MYRIP: variants seen among roughly 807,000 people sequenced by gnomAD.
MYRIP encodes the protein rab effector MyRIP.
In MYRIP, 49 loss-of-function variants were observed where a neutral mutation model predicts 98.0. The ratio of observed to expected loss-of-function variants is 0.50; its 90% CI spans 0.40 to 0.63. The LOEUF (loss-of-function observed/expected upper bound fraction) is 0.63, where lower values mean the gene tolerates loss of function less well. Ranked by LOEUF, MYRIP falls within the 30% of genes least tolerant of loss-of-function variation. MYRIP has a pLI of 0.00. For missense variants in MYRIP, 1,004 were observed against 1,058.2 expected, an observed-to-expected ratio of 0.95 and a Z score of 0.71; for synonymous variants, 404 against 409.5, an observed-to-expected ratio of 0.99 and a Z score of 0.16.
At chr3:40,010,275 A>G (rs1946733107) in intron 2 of MYRIP, among the ~76,000 whole-genome samples, 1 of 152,234 alleles carries the variant, frequency 6.6e-6, no homozygotes, top group Non-Finnish European at 1.5e-5. Flanking sequence ...TTGAGGAGTT[A>G]GGGTCACCAG....
At position 40,233,839 on chromosome 3, in the gene MYRIP, T is replaced by A; in HGVS notation, c.1906-20T>A. On this transcript the variant is annotated intron_variant, in intron 11 of 16. Transcript: ENST00000302541. Reference sequence around the variant, plus strand: ...GTGCTGTTCTTGTCTTCTGTCCCCTTCTGTTATCGGACCAAACAGAAGTTT... The same window carrying A: ...GTGCTGTTCTTGTCTTCTGTCCCCTACTGTTATCGGACCAAACAGAAGTTT... 1 of 1,606,684 alleles carries A rather than the reference T, an allele frequency of 6.2e-7. No individual in the cohort carries two copies. The highest frequency in any genetic ancestry group is 2.2e-5 in the East Asian group (1 of 44,802).
intron 2 of MYRIP, among the ~76,000 whole-genome samples, chr3:40,011,164 C>T (rs553461500): frequency 2.0e-5 from 3 of 152,274 alleles, no homozygotes; most frequent in Non-Finnish European, 4.4e-5. Context: ...AAAATGGTGA[C>T]CCTCCTTGCT....
chr3:40,037,647 A>G (rs1947412784), intron 2 of MYRIP, among the ~76,000 whole-genome samples: 2 of 152,048 alleles, frequency 1.3e-5, no homozygotes, highest in Non-Finnish European at 2.9e-5. Context: ...TGTCACAGGT[A>G]TGGGACAATG....
chr3:39,996,598 C>A (rs1026608768), intron 2 of MYRIP, among the ~76,000 whole-genome samples: 1 of 152,048 alleles, frequency 6.6e-6, no homozygotes, highest in Non-Finnish European at 1.5e-5. Context: ...ACTTTAACAC[C>A]CCACTGTCAA....
At chr3:39,989,736 G>T (rs1246443935) in intron 2 of MYRIP, among the ~76,000 whole-genome samples, 3 of 152,206 alleles carry the variant, frequency 2.0e-5, no homozygotes, top group African/African-American at 7.2e-5. Flanking sequence ...AGTTCCTGTA[G>T]GGAGGCCCTG....
intron 3 of MYRIP, among the ~76,000 whole-genome samples, chr3:40,048,858 T>C (rs1360055383): frequency 6.6e-6 from 1 of 152,200 alleles, no homozygotes; most frequent in Non-Finnish European, 1.5e-5. Flanking sequence ...ATTACTTATT[T>C]TGGAAGTTCT....
intron 2 of MYRIP, among the ~76,000 whole-genome samples, chr3:39,907,060 C>T (rs1037371698): frequency 2.0e-5 from 3 of 151,940 alleles, no homozygotes; most frequent in Non-Finnish European, 2.9e-5. Context: ...TTGGTCTCCC[C>T]ATGGTAACTC....
intron 2 of MYRIP, among the ~76,000 whole-genome samples, chr3:39,991,845 G>T (rs1229122643): frequency 6.6e-6 from 1 of 152,124 alleles, no homozygotes; most frequent in Non-Finnish European, 1.5e-5. Context: ...GTAGTGTAAT[G>T]AATTCAAGTG....
intron 2 of MYRIP, among the ~76,000 whole-genome samples, chr3:39,979,330 T>C (rs775213875): frequency 1.1e-4 from 16 of 152,140 alleles, no homozygotes; most frequent in Non-Finnish European, 1.5e-5. Context: ...AGGATATTCA[T>C]TGTTTGGTAA....
At chr3:39,940,623 T>C (rs182188668) in intron 2 of MYRIP, among the ~76,000 whole-genome samples, 204 of 152,284 alleles carry the variant, frequency 1.3e-3, no homozygotes, top group African/African-American at 4.6e-3. Flanking sequence ...AATTATTTTA[T>C]TTTTTAATGG....
chr3:39,872,607 G>C (rs367708563), intron 1 of MYRIP, among the ~76,000 whole-genome samples: 4 of 148,924 alleles, frequency 2.7e-5, no homozygotes, highest in South Asian at 2.1e-4. Flanking sequence ...TTGTCCTTGC[G>C]ATAGTTTACT....
Position 40,131,539 on chromosome 3 carries a change from C to G in MYRIP, c.333-19509C>G, listed in dbSNP as rs535894624. 1.7e-4 allele frequency among the ~76,000 whole-genome samples: 26 copies of G among 152,276 alleles called. No individual in the cohort carries two copies. In the South Asian group the frequency reaches 5.2e-3, roughly 30 times the overall value. On this transcript the variant is annotated intron_variant, in intron 3 of 16. Coordinates refer to ENST00000302541, the MANE Select transcript of MYRIP (RefSeq NM_015460.4). Reference sequence around the variant, plus strand: ...AGCTCCCATCGTATTCTCTCTGTGGCTACAGGCCTTCATAATACACTTTAG... The same window carrying G: ...AGCTCCCATCGTATTCTCTCTGTGGGTACAGGCCTTCATAATACACTTTAG...
intron 2 of MYRIP, among the ~76,000 whole-genome samples, chr3:39,968,152 C>T (rs1945485715): frequency 6.6e-6 from 1 of 150,936 alleles, no homozygotes; most frequent in Admixed American, 6.6e-5. Context: ...TTGCCCATTC[C>T]TATGTCCAGG....
intron 1 of MYRIP, among the ~76,000 whole-genome samples, chr3:39,867,057 A>G (rs1291591493): frequency 1.3e-5 from 2 of 152,166 alleles, no homozygotes; most frequent in African/African-American, 2.4e-5. Flanking sequence ...TAATAGTGAA[A>G]CCAAGCATTC....
chr3:40,217,028 T>C (rs1575644993), intron 11 of MYRIP, among the ~76,000 whole-genome samples: 1 of 152,216 alleles, frequency 6.6e-6, no homozygotes, highest in South Asian at 2.1e-4. Context: ...AAATATGTAT[T>C]GTTGTTAAAG....
intron 2 of MYRIP, among the ~76,000 whole-genome samples, chr3:39,996,547 C>A (rs1380808944): frequency 6.6e-6 from 1 of 152,098 alleles, no homozygotes; most frequent in Non-Finnish European, 1.5e-5. Flanking sequence ...TCCTTAGAGA[C>A]CTACAAAGAG....
At chr3:39,845,676 C>A (rs930625713) in intron 1 of MYRIP, among the ~76,000 whole-genome samples, 1 of 151,960 alleles carries the variant, frequency 6.6e-6, no homozygotes, top group Non-Finnish European at 1.5e-5. Flanking sequence ...CAAATAAATG[C>A]CATCTATCTA....
In MYRIP at chr3:40,209,993, G is replaced by T. The variant is rs1430873223; in HGVS notation, c.1805G>T (p.Gly602Val). Reference protein sequence around the residue: ...MKMSEKETSSGEDQESEPKTE... With the variant: ...MKMSEKETSSVEDQESEPKTE... Reference sequence around the variant, plus strand: ...ATGAGTGAAAAGGAGACTTCTTCAGGGGAGGATCAGGAGTCTGAGCCCAAG... The same window carrying T: ...ATGAGTGAAAAGGAGACTTCTTCAGTGGAGGATCAGGAGTCTGAGCCCAAG... Residue 602 changes from glycine to valine, a missense_variant, in exon 11 of 17, where the codon GGG becomes GTG. Physicochemically the swap from Gly to Val is moderately radical, Grantham distance 109. Transcript: ENST00000302541. The T allele has an allele frequency of 6.2e-7, 1 of 1,613,938 alleles. No homozygotes were observed. Among genetic ancestry groups the T allele is most frequent in the Non-Finnish European group, 8.5e-7 (1 of 1,179,956 alleles).
intron 10 of MYRIP, among the ~76,000 whole-genome samples, chr3:40,192,626 CAGTA>C (rs1169549695): frequency 2.0e-5 from 3 of 152,022 alleles, no homozygotes; most frequent in Non-Finnish European, 4.4e-5. Context: ...TTTCTCCTAA[CAGTA>C]AGTGATAGAG....
Sources: gnomAD v4.1 joint callset for allele counts (sites outside exome capture counted in the v4.1 genomes callset) on GRCh38, gnomAD v4.1.1 for gene constraint, MANE v1.5 for transcripts, NCBI Gene and HGNC (gene_info 2026-07-23, HGNC 2026-07-21) for gene names.